The following STK3 variants were observed in gnomAD, a reference collection of about 807,000 sequenced individuals.
STK3 encodes serine/threonine kinase 3.
Under a neutral mutation model 58.0 loss-of-function variants are expected in STK3, and 41 were observed. The ratio of observed to expected loss-of-function variants is 0.71; its 90% confidence interval spans 0.55 to 0.92. STK3 has a LOEUF of 0.92. Ranked by LOEUF, STK3 falls within the 40% of genes least tolerant of loss-of-function variation. The pLI, the probability that STK3 is intolerant of heterozygous loss-of-function variation, is 0.00. For missense variants in STK3, 479 were observed against 602.7 expected, an observed-to-expected ratio of 0.79 and a Z score of 2.15; for synonymous variants, 170 against 191.0, an observed-to-expected ratio of 0.89 and a Z score of 0.91.
At chr8:98,642,162 G>A (rs1161475540) in intron 6 of STK3, among the ~76,000 whole-genome samples, 3 of 152,072 alleles carry the variant, frequency 2.0e-5, no homozygotes, top group Admixed American at 1.3e-4. Context: ...ATATGTGAGA[G>A]CTCAAACCAG....
At chr8:98,514,076 C>A (rs892927665) in intron 10 of STK3, among the ~76,000 whole-genome samples, 8 of 152,134 alleles carry the variant, frequency 5.3e-5, no homozygotes, top group Admixed American at 5.2e-4. Flanking sequence ...CAGATGATGA[C>A]CTCTGCCTCT....
Position 98,782,367 on chromosome 8 carries a change from T to C in STK3, c.27-7548A>G, listed in dbSNP as rs569909314. On this transcript the variant is annotated intron_variant, in intron 1 of 10. Coordinates refer to ENST00000419617, the MANE Select transcript of STK3 (RefSeq NM_006281.4). ...TTCTGCATCAGCTGCTCAAAGATAC[T>C]GTGAATCTAAAAAGACTGATCGCCA... 5 of 202,660 alleles carry C rather than the reference T, an allele frequency of 2.5e-5. No individual in the cohort carries two copies. In the South Asian group the frequency reaches 4.0e-4, roughly 16 times the overall value. The allele number at this position is 202,660 out of a possible 1,614,324, so 12.6% of individuals were successfully genotyped here.
chr8:98,344,809 C>A, the STK3 span, among the ~76,000 whole-genome samples: 1 of 138,198 alleles, frequency 7.2e-6, no homozygotes, highest in Non-Finnish European at 1.5e-5. Context: ...AGGAGAATGG[C>A]GTGAACCCGG....
chr8:98,593,391 T>C (rs865960732), intron 7 of STK3, among the ~76,000 whole-genome samples: 1 of 152,194 alleles, frequency 6.6e-6, no homozygotes, highest in South Asian at 2.1e-4. Flanking sequence ...AAGCTATAGA[T>C]ATATGTCAAC....
intron 10 of STK3, among the ~76,000 whole-genome samples, chr8:98,482,471 G>A (rs763675874): frequency 3.9e-5 from 6 of 152,044 alleles, no homozygotes; most frequent in Admixed American, 2.6e-4. Flanking sequence ...AATGAGGGCC[G>A]GGATTAGCAA....
intron 4 of STK3, among the ~76,000 whole-genome samples, chr8:98,742,760 TA>T (rs1427963075): frequency 6.6e-6 from 1 of 151,614 alleles, no homozygotes; most frequent in Non-Finnish European, 1.5e-5. Context: ...AAATCAAGGG[TA>T]TTCAATTAGG....
chr8:98,626,086 GCAGC>G (rs1818693342), intron 6 of STK3, among the ~76,000 whole-genome samples: 1 of 152,150 alleles, frequency 6.6e-6, no homozygotes, highest in Non-Finnish European at 1.5e-5. Flanking sequence ...GAAAAAGGAG[GCAGC>G]CATAAAGGCA....
intron 1 of STK3, among the ~76,000 whole-genome samples, chr8:98,922,313 A>G (rs1587851932): frequency 2.0e-5 from 3 of 152,356 alleles, no homozygotes; most frequent in Middle Eastern, 6.8e-3. Context: ...GAGGAGAAAT[A>G]AAAATATTCT....
chr8:98,773,354 ATC>A (rs1831444688), intron 2 of STK3, among the ~76,000 whole-genome samples: 1 of 152,196 alleles, frequency 6.6e-6, no homozygotes. Flanking sequence ...TACCTAATAT[ATC>A]TCTTTATTTA....
At chr8:98,441,460 C>T (rs1047328024) in intron 1 of STK3, among the ~76,000 whole-genome samples, 1 of 152,100 alleles carries the variant, frequency 6.6e-6, no homozygotes, top group African/African-American at 2.4e-5. Context: ...CAATATCTTC[C>T]TTTGGGCCTG....
rs552223844 is a variant in STK3 at position 98,741,686 on chromosome 8, C to G, written c.351+7590G>C. On this transcript the variant is annotated intron_variant, in intron 4 of 10. Transcript: ENST00000419617. ...CACCCTAACATCACAATTAAAAGAA[C>G]TAGAAAAGCAAGAGCAAACACATTC... Among the ~76,000 whole-genome samples, 1,142 of 152,088 alleles carry G rather than the reference C, an allele frequency of 7.5e-3. 13 individuals are homozygous for G. Among genetic ancestry groups the G allele is most frequent in the African/African-American group, 0.025 (1,047 of 41,482 alleles).
At chr8:98,421,731 G>A (rs1215254995) in intron 3 of STK3, among the ~76,000 whole-genome samples, 3 of 152,058 alleles carry the variant, frequency 2.0e-5, no homozygotes, top group African/African-American at 7.2e-5. Context: ...AGCCAAGATC[G>A]CACCACTGCA....
intron 6 of STK3, among the ~76,000 whole-genome samples, chr8:98,649,721 A>T (rs1421182309): frequency 6.6e-6 from 1 of 152,198 alleles, no homozygotes; most frequent in African/African-American, 2.4e-5. Flanking sequence ...ACATTATGTT[A>T]CCCAATTCCA....
At chr8:98,480,108 A>G (rs1470310804) in intron 10 of STK3, among the ~76,000 whole-genome samples, 2 of 152,130 alleles carry the variant, frequency 1.3e-5, no homozygotes, top group Non-Finnish European at 2.9e-5. Context: ...AAGGTGGGGA[A>G]TGAGAGAAAG....
At chr8:98,642,342 T>C (rs1820087271) in intron 6 of STK3, among the ~76,000 whole-genome samples, 1 of 149,566 alleles carries the variant, frequency 6.7e-6, no homozygotes, top group South Asian at 2.1e-4. Context: ...TCAATAATAA[T>C]ATTAATAATT....
At chr8:98,539,190 C>T (rs1338145729) in intron 9 of STK3, among the ~76,000 whole-genome samples, 1 of 152,022 alleles carries the variant, frequency 6.6e-6, no homozygotes, top group African/African-American at 2.4e-5. Context: ...CAAGGCTGTA[C>T]GATTCTGGGA....
intron 2 of STK3, among the ~76,000 whole-genome samples, chr8:98,371,839 G>A (rs967877327): frequency 6.6e-6 from 1 of 152,200 alleles, no homozygotes; most frequent in African/African-American, 2.4e-5. Flanking sequence ...ATAGGACATG[G>A]TGGTGTTATG....
Position 98,698,405 on chromosome 8 carries a change from T to G in STK3, c.684+8062A>C, listed in dbSNP as rs1026986899. On this transcript the variant is annotated intron_variant, in intron 6 of 10. Coordinates refer to ENST00000419617, the MANE Select transcript of STK3 (RefSeq NM_006281.4). The stretch of plus-strand genomic sequence containing the variant: ...TTATGTGTGAATTTGATCCTGTCAT[T>G]TTGATGTTAGCTGGTTATTTTGCTC... 5.3e-5 allele frequency among the ~76,000 whole-genome samples: 8 copies of G among 152,222 alleles called. 1 individual carries two copies. The Middle Eastern group carries it at 0.014, about 261-fold the overall frequency.
At chr8:98,467,421 T>C (rs1417806205) in intron 10 of STK3, among the ~76,000 whole-genome samples, 1 of 152,118 alleles carries the variant, frequency 6.6e-6, no homozygotes, top group South Asian at 2.1e-4. Context: ...CAGTTGTTGG[T>C]GGCATGCTTT....
Sources: gnomAD v4.1 joint callset for allele counts (sites outside exome capture counted in the v4.1 genomes callset) on GRCh38, gnomAD v4.1.1 for gene constraint, MANE v1.5 for transcripts, NCBI Gene and HGNC (gene_info 2026-07-23, HGNC 2026-07-21) for gene names.